The following NCOA2 variants were observed in gnomAD, a reference collection of about 807,000 sequenced individuals.
NCOA2 encodes nuclear receptor coactivator 2.
In NCOA2, 21 loss-of-function variants were observed where a neutral mutation model predicts 145.1. The ratio of observed to expected loss-of-function variants is 0.14; its 90% CI spans 0.10 to 0.21. The LOEUF (loss-of-function observed/expected upper bound fraction) is 0.21. Ranked by LOEUF, NCOA2 falls within the 10% of genes least tolerant of loss-of-function variation. The probability of loss-of-function intolerance (pLI) is 1.00; values close to 1 mark genes in which losing one functional copy is unlikely to be tolerated. For missense variants in NCOA2, 1,472 were observed against 1,837.6 expected, an observed-to-expected ratio of 0.80 and a Z score of 3.64; for synonymous variants, 619 against 637.5, an observed-to-expected ratio of 0.97 and a Z score of 0.44.
chr8:70,355,416 C>G (rs1011924995), intron 1 of NCOA2, among the ~76,000 whole-genome samples: 2 of 152,170 alleles, frequency 1.3e-5, no homozygotes, highest in Non-Finnish European at 2.9e-5. Context: ...ATTCTAGGCA[C>G]TGAAGATACA....
At chr8:70,448,418 CA>C in the NCOA2 span, among the ~76,000 whole-genome samples, 1 of 151,894 alleles carries the variant, frequency 6.6e-6, no homozygotes, top group Admixed American at 6.6e-5. Context: ...TCAGAGTGAA[CA>C]AAGAGAAGTC....
intron 2 of NCOA2, among the ~76,000 whole-genome samples, chr8:70,288,576 G>A (rs1192987702): frequency 6.7e-6 from 1 of 148,960 alleles, no homozygotes. Flanking sequence ...GCGAAACCCT[G>A]TCTCAAAACA....
At chr8:70,316,668 C>A (rs1310165901) in intron 1 of NCOA2, among the ~76,000 whole-genome samples, 1 of 151,322 alleles carries the variant, frequency 6.6e-6, no homozygotes, top group African/African-American at 2.4e-5. Context: ...CAAAACAGAT[C>A]AGTTTTTTTC....
the NCOA2 span, among the ~76,000 whole-genome samples, chr8:70,452,144 T>A: frequency 6.6e-6 from 1 of 152,182 alleles, no homozygotes; most frequent in Non-Finnish European, 1.5e-5. Context: ...CAGGCTAATT[T>A]TTTGTAATTT....
At position 70,355,491 on chromosome 8, in the gene NCOA2, T is replaced by C. The variant is rs530195850; in HGVS notation, c.-77+48209A>G. ...GGAACCTGTATTCTCTTAGACAAGC[T>C]TGTCCAATCCATGGCCCAGGATGGC... On this transcript the variant is annotated intron_variant, in intron 1 of 22. Coordinates refer to ENST00000452400, the MANE Select transcript of NCOA2 (RefSeq NM_006540.4). Among the ~76,000 whole-genome samples the C allele has an allele frequency of 1.8e-4, 28 of 152,360 alleles. No homozygotes were observed. The South Asian group carries it at 5.8e-3, about 32-fold the overall frequency.
chr8:70,124,617 A>G, intron 20 of NCOA2, 71 bp downstream of exon 20: 2 of 1,420,308 alleles, frequency 1.4e-6, no homozygotes, highest in Non-Finnish European at 1.9e-6. Flanking sequence ...CCTCGGGTGC[A>G]GGCATGAAGG....
At chr8:70,446,267 C>T in the NCOA2 span, among the ~76,000 whole-genome samples, 1 of 152,174 alleles carries the variant, frequency 6.6e-6, no homozygotes, top group Non-Finnish European at 1.5e-5. Context: ...GTCAAACCAC[C>T]ACAACCCCTT....
chr8:70,451,230 A>AT, the NCOA2 span, among the ~76,000 whole-genome samples: 38 of 120,056 alleles, frequency 3.2e-4, no homozygotes, highest in African/African-American at 9.4e-4. Context: ...AAAAAAAAAA[A>AT]AAAAAAAATA....
chr8:70,175,868 AT>A lies in NCOA2; in HGVS notation c.260-1010del, dbSNP rs34885918. Among the ~76,000 whole-genome samples the A allele has an allele frequency of 4.4e-3, 661 of 148,940 alleles. 2 individuals carry two copies. The highest frequency in any genetic ancestry group is 0.013 in the African/African-American group (532 of 40,712). On this transcript the variant is annotated intron_variant, in intron 4 of 22. Coordinates refer to ENST00000452400, the MANE Select transcript of NCOA2 (RefSeq NM_006540.4). ...TTAACCTGCTTTCAGAACCTTAATA[AT>A]TTTTTTTTTTTTGTCAAAAATATTT... is the stretch of plus-strand genomic sequence containing the variant.
chr8:70,351,742 C>G (rs947225920), intron 1 of NCOA2, among the ~76,000 whole-genome samples: 1 of 150,212 alleles, frequency 6.7e-6, no homozygotes, highest in Admixed American at 6.7e-5. Context: ...CACACCACCA[C>G]CCCGGCTAAT....
At chr8:70,202,349 A>G (rs1434331260) in intron 4 of NCOA2, among the ~76,000 whole-genome samples, 1 of 152,254 alleles carries the variant, frequency 6.6e-6, no homozygotes, top group Non-Finnish European at 1.5e-5. Context: ...TATATACCCA[A>G]AAGAATTGAA....
chr8:70,408,927 A>G, the NCOA2 span, among the ~76,000 whole-genome samples: 4 of 151,974 alleles, frequency 2.6e-5, no homozygotes, highest in African/African-American at 9.7e-5. Flanking sequence ...ATGCCAGACC[A>G]AAACATTAAA....
chr8:70,184,181 G>A (rs894722145), intron 4 of NCOA2, among the ~76,000 whole-genome samples: 1 of 152,124 alleles, frequency 6.6e-6, no homozygotes, highest in African/African-American at 2.4e-5. Flanking sequence ...ATGAGAAGAG[G>A]ATTTGGAAGA....
intron 1 of NCOA2, among the ~76,000 whole-genome samples, chr8:70,355,501 C>T (rs755547768): frequency 3.7e-4 from 56 of 152,214 alleles, no homozygotes; most frequent in Non-Finnish European, 5.3e-4. Context: ...TTGTCCAATC[C>T]ATGGCCCAGG....
chr8:70,180,519 G>T (rs1043751343), intron 4 of NCOA2, among the ~76,000 whole-genome samples: 1 of 152,108 alleles, frequency 6.6e-6, no homozygotes, highest in Admixed American at 6.5e-5. Flanking sequence ...TATTCCATAG[G>T]TTTTTTTATA....
intron 4 of NCOA2, among the ~76,000 whole-genome samples, chr8:70,185,273 T>G (rs1396592563): frequency 1.3e-5 from 2 of 152,052 alleles, no homozygotes; most frequent in Non-Finnish European, 1.5e-5. Flanking sequence ...ACCAGTGTGG[T>G]TTTTCAAAAA....
In NCOA2 at chr8:70,156,414, G is replaced by C; in HGVS notation, c.1951C>G (p.Gln651Glu). Residue 651 changes from glutamine to glutamate, a missense_variant, in exon 11 of 23, where the codon CAG (glutamine) becomes GAG (glutamate). Gln to Glu is a conservative substitution (Grantham distance 29, BLOSUM62 2). Coordinates refer to ENST00000452400, the MANE Select transcript of NCOA2 (RefSeq NM_006540.4). ...CTGGCTAAGGGCGAGGGCTCCATCT[G>C]ATCAGATTTGGTGGTCAGCAGCTGC... ...LLQLLTTKSD[Q>E]MEPSPLASSL... The C allele has an allele frequency of 6.2e-7, 1 of 1,613,996 alleles. No individual in the cohort carries two copies. The highest frequency in any genetic ancestry group is 8.5e-7 in the Non-Finnish European group (1 of 1,179,896).
At chr8:70,456,140 C>T in the NCOA2 span, among the ~76,000 whole-genome samples, 1 of 151,856 alleles carries the variant, frequency 6.6e-6, no homozygotes, top group Admixed American at 6.6e-5. Flanking sequence ...GATTGTACCA[C>T]CTTGAGCCTG....
At chr8:70,447,581 G>A in the NCOA2 span, among the ~76,000 whole-genome samples, 2 of 145,694 alleles carry the variant, frequency 1.4e-5, no homozygotes, top group African/African-American at 5.1e-5. Flanking sequence ...TTTGAGACAA[G>A]TTTTTTTTTT....
Sources: allele counts gnomAD v4.1 joint callset (sites outside exome capture counted in the v4.1 genomes callset), GRCh38; gene constraint gnomAD v4.1.1; transcripts MANE v1.5; gene names NCBI Gene and HGNC (gene_info 2026-07-23, HGNC 2026-07-21).